Variants in ZNF423 observed in about 807,000 individuals in gnomAD.
ZNF423 encodes zinc finger protein 423.
ZNF423 carries 12 observed loss-of-function variants against 95.8 expected under a neutral mutation model. That is an observed-to-expected ratio of 0.13 (90% CI 0.08 to 0.20). The LOEUF (loss-of-function observed/expected upper bound fraction) is 0.20. ZNF423 is among the 10% of genes least tolerant of loss of function. The pLI is 1.00. For missense variants in ZNF423, 1,316 were observed against 1,737.1 expected (o/e 0.76, Z 4.31); for synonymous variants, 749 against 711.9 (o/e 1.05, Z -0.83).
intron 3 of ZNF423, among the ~76,000 whole-genome samples, chr16:49,668,147 G>A (rs1294213308): frequency 1.3e-5 from 2 of 152,140 alleles, no homozygotes; most frequent in African/African-American, 4.8e-5. Context: ...CCCAAACTCA[G>A]GAGTGTGGCC....
At chr16:49,657,123 C>T (rs929213629) in intron 3 of ZNF423, among the ~76,000 whole-genome samples, 3 of 152,186 alleles carry the variant, frequency 2.0e-5, no homozygotes, top group Non-Finnish European at 4.4e-5. Flanking sequence ...GGATTGGGTC[C>T]GTATTCTCAG....
chr16:49,682,620 T>C (rs914293436), intron 3 of ZNF423, among the ~76,000 whole-genome samples: 2 of 151,970 alleles, frequency 1.3e-5, no homozygotes, highest in Admixed American at 6.5e-5. Flanking sequence ...ACATGAAAGA[T>C]GGGAAGAGAG....
At chr16:49,527,119 C>T (rs935786403) in intron 5 of ZNF423, among the ~76,000 whole-genome samples, 1 of 152,172 alleles carries the variant, frequency 6.6e-6, no homozygotes, top group Non-Finnish European at 1.5e-5. Flanking sequence ...GCAGGCATTC[C>T]CCCTGGCCCA....
At position 49,636,103 on chromosome 16, in the gene ZNF423, G is replaced by A. The variant is rs1163328339; in HGVS notation, c.3073C>T (p.Leu1025Phe). ...CAGACCACACAGCGGAAGCCCGTGAGTGAGTTGCGCAGGTCAGGGTGCATC... is the reference window on the plus strand; with the variant it reads ...CAGACCACACAGCGGAAGCCCGTGAATGAGTTGCGCAGGTCAGGGTGCATC... ...CQMHPDLRNS[L>F]TGFRCVVCMQ... Residue 1025 changes from leucine to phenylalanine, a missense_variant, in exon 4 of 8, where the codon CTC (leucine) becomes TTC (phenylalanine). Coordinates refer to ENST00000563137, the MANE Select transcript of ZNF423 (RefSeq NM_001379286.1). The surrounding 1 kb of genome is among the most constrained non-coding windows in gnomAD (Gnocchi z 8.6). 6.2e-7 allele frequency: 1 copy of A among 1,613,994 alleles called. No homozygotes were observed. Among genetic ancestry groups the A allele is most frequent in the Non-Finnish European group, 8.5e-7 (1 of 1,180,044 alleles).
intron 3 of ZNF423, among the ~76,000 whole-genome samples, chr16:49,723,154 A>G (rs1567311660): frequency 6.6e-6 from 1 of 151,918 alleles, no homozygotes; most frequent in East Asian, 1.9e-4. Flanking sequence ...ACGGGGTTTC[A>G]CTGTGTTAGC....
At chr16:49,710,345 G>A (rs1357063132) in intron 3 of ZNF423, among the ~76,000 whole-genome samples, 2 of 152,296 alleles carry the variant, frequency 1.3e-5, no homozygotes, top group South Asian at 2.1e-4. Context: ...CTCCGGTGTG[G>A]TTCAGTAGCA....
chr16:49,630,093 C>T (rs1972448019), intron 4 of ZNF423, among the ~76,000 whole-genome samples: 1 of 152,166 alleles, frequency 6.6e-6, no homozygotes, highest in African/African-American at 2.4e-5. Flanking sequence ...GGCCCAGACA[C>T]AGGCACTCTG....
chr16:49,503,597 C>T (rs1367196328), intron 7 of ZNF423, among the ~76,000 whole-genome samples: 9 of 152,168 alleles, frequency 5.9e-5, no homozygotes, highest in Non-Finnish European at 1.0e-4. Flanking sequence ...GCTTCCTGTC[C>T]GCTGACCACA....
chr16:49,677,925 G>A (rs2031187976), intron 3 of ZNF423, among the ~76,000 whole-genome samples: 1 of 152,098 alleles, frequency 6.6e-6, no homozygotes, highest in African/African-American at 2.4e-5. Flanking sequence ...GCTCACACTT[G>A]TAATCCCAAC....
chr16:49,513,248 G>A (rs909675032), intron 7 of ZNF423, among the ~76,000 whole-genome samples: 4 of 152,176 alleles, frequency 2.6e-5, no homozygotes, highest in African/African-American at 9.7e-5. Flanking sequence ...ACCACTGGGT[G>A]TCAGCCAGCA....
rs2035358366 is a variant in ZNF423, at chr16:49,855,666, G to GTCCCTCCTCCCTCGCTCCC, written c.40+50_40+68dup. ...TCCCCGGCAGCCAGCCCGCTCGCCG[G>GTCCCTCCTCCCTCGCTCCC]TCCCTCCTCCCTCGCTCCCTCCCTC... is the stretch of plus-strand genomic sequence containing the variant. On this transcript the variant is annotated intron_variant, in intron 1 of 7. Coordinates refer to ENST00000563137, the MANE Select transcript of ZNF423 (RefSeq NM_001379286.1). The surrounding 1 kb of genome is among the most constrained non-coding windows in gnomAD (Gnocchi z 4.7). 1 of 162,630 alleles carries GTCCCTCCTCCCTCGCTCCC rather than the reference G, an allele frequency of 6.1e-6. No individual in the cohort carries two copies. Among genetic ancestry groups the GTCCCTCCTCCCTCGCTCCC allele is most frequent in the Non-Finnish European group, 1.3e-5 (1 of 75,498 alleles). The allele number at this position is 162,630 out of a possible 1,614,324, so 10.1% of individuals were successfully genotyped here. A position where few individuals can be genotyped will look rare whatever the true frequency, so the allele number is the denominator to read the frequency against.
intron 5 of ZNF423, among the ~76,000 whole-genome samples, chr16:49,612,523 C>T (rs1567503243): frequency 6.6e-6 from 1 of 151,678 alleles, no homozygotes; most frequent in Admixed American, 6.6e-5. Context: ...AGGAGAATTC[C>T]TCAACTTGAT....
In ZNF423 at chr16:49,742,929, G is replaced by C. The variant is rs76084092; in HGVS notation, c.101-11958C>G. On this transcript the variant is annotated intron_variant, in intron 2 of 7. Coordinates refer to ENST00000563137, the MANE Select transcript of ZNF423 (RefSeq NM_001379286.1). ...GATAAACAGAGGCGGTGTGAATGGA[G>C]AGCCCAGAGCCCAGGGGCCAGGCAT... Among the ~76,000 whole-genome samples, 3 of 152,232 alleles carry C rather than the reference G, an allele frequency of 2.0e-5. No individual in the cohort carries two copies. The East Asian group carries it at 5.8e-4, about 30-fold the overall frequency.
At chr16:49,618,562 C>T (rs775407505) in intron 5 of ZNF423, among the ~76,000 whole-genome samples, 1 of 152,178 alleles carries the variant, frequency 6.6e-6, no homozygotes, top group Non-Finnish European at 1.5e-5. Flanking sequence ...CCATGTAAGA[C>T]GTGCTTGCTT....
chr16:49,655,026 C>T (rs901107323), intron 3 of ZNF423, among the ~76,000 whole-genome samples: 2 of 152,178 alleles, frequency 1.3e-5, no homozygotes, highest in African/African-American at 2.4e-5. Flanking sequence ...AAGACAAATA[C>T]TAGGTGAATC....
rs1567356377 is a variant in ZNF423 at position 49,815,900 on chromosome 16, ATATATATATATATATTTTTTTTT to A, written c.41-26377_41-26355del. ...AAAAAAAATATATATATATATATATATATATATATATATATTTTTTTTTTTTTTTTTTTTTTGAGACAAAGTCT... is the reference window on the plus strand; with the variant it reads ...AAAAAAAATATATATATATATATATATTTTTTTTTTTTTGAGACAAAGTCT... On this transcript the variant is annotated intron_variant, in intron 1 of 7. Coordinates refer to ENST00000563137, the MANE Select transcript of ZNF423 (RefSeq NM_001379286.1). 3.9e-4 allele frequency among the ~76,000 whole-genome samples: 18 copies of A among 46,030 alleles called. 1 individual carries two copies. The highest frequency in any genetic ancestry group is 1.4e-3 in the African/African-American group (15 of 11,040). The allele number at this position is 46,030 out of a possible 152,430, so 30.2% of individuals were successfully genotyped here.
At chr16:49,746,628 C>T (rs933377210) in intron 2 of ZNF423, among the ~76,000 whole-genome samples, 5 of 152,088 alleles carry the variant, frequency 3.3e-5, no homozygotes, top group Non-Finnish European at 5.9e-5. Context: ...CAGGCACCCA[C>T]CACCACACCT....
chr16:49,641,183 G>A (rs776196214), intron 3 of ZNF423, among the ~76,000 whole-genome samples: 28 of 152,230 alleles, frequency 1.8e-4, no homozygotes, highest in South Asian at 4.1e-4. Flanking sequence ...ACTGAGGCAC[G>A]GCCTCAGAGA....
chr16:49,626,579 C>T (rs1567512262), intron 4 of ZNF423, among the ~76,000 whole-genome samples: 1 of 152,060 alleles, frequency 6.6e-6, no homozygotes, highest in Non-Finnish European at 1.5e-5. Context: ...TCCATCCAAA[C>T]ATCCACCCAT....
Sources: gnomAD v4.1 joint callset for allele counts (sites outside exome capture counted in the v4.1 genomes callset) on GRCh38, gnomAD v4.1.1 for gene constraint, Gnocchi (gnomAD v3.1) non-coding constraint, MANE v1.5 for transcripts, NCBI Gene and HGNC (gene_info 2026-07-23, HGNC 2026-07-21) for gene names.